The following TCF4 variants were observed in gnomAD, a reference collection of about 807,000 sequenced individuals.
TCF4 encodes SL3-3 enhancer factor 2.
Under a neutral mutation model 82.1 loss-of-function variants are expected in TCF4, and 3 were observed. The ratio of observed to expected loss-of-function variants is 0.04; its 90% CI spans 0.02 to 0.09. The LOEUF (loss-of-function observed/expected upper bound fraction) is 0.09, where lower values mean the gene tolerates loss of function less well. TCF4 is among the 10% of genes least tolerant of loss of function. TCF4 has a pLI of 1.00. For missense variants in TCF4, 518 were observed against 852.7 expected (o/e 0.61, Z 4.89); for synonymous variants, 276 against 309.6 (o/e 0.89, Z 1.14).
chr18:55,338,549 T>C (rs753690716), intron 8 of TCF4, among the ~76,000 whole-genome samples: 1 of 152,280 alleles, frequency 6.6e-6, no homozygotes, highest in Non-Finnish European at 1.5e-5. Flanking sequence ...AAAAGAGTCA[T>C]TTTCTTATAT....
rs1048950035 is a variant in TCF4, at chr18:55,632,592, T to C, written c.196-1204A>G. Among the ~76,000 whole-genome samples the C allele has an allele frequency of 1.2e-4, 18 of 152,304 alleles. No homozygotes were observed. The East Asian group carries it at 3.1e-3, about 26-fold the overall frequency. ...CATCAAAGGCTATCAGAAGGAAAGA[T>C]AGATTACCTTCAAAGAATGATGCTC... is the stretch of plus-strand genomic sequence containing the variant. On this transcript the variant is annotated intron_variant, in intron 1 of 20. Transcript: ENST00000398339.
At chr18:55,350,849 G>T in intron 7 of TCF4, 25 bp downstream of exon 7, 1 of 1,612,800 alleles carries the variant, frequency 6.2e-7, no homozygotes, top group Non-Finnish European at 8.5e-7. Context: ...CATCCCTCAG[G>T]CATTCAAACA....
At chr18:55,559,164 A>T (rs923467044) in intron 3 of TCF4, among the ~76,000 whole-genome samples, 1 of 151,854 alleles carries the variant, frequency 6.6e-6, no homozygotes, top group African/African-American at 2.4e-5. Flanking sequence ...AAAAAAAAAA[A>T]AAAAGTAATT....
intron 3 of TCF4, among the ~76,000 whole-genome samples, chr18:55,474,877 A>G (rs1301152623): frequency 1.3e-5 from 2 of 152,086 alleles, no homozygotes; most frequent in Non-Finnish European, 2.9e-5. Context: ...TAGGCTTAGG[A>G]GATCCTCCCA....
At chr18:55,617,534 T>A (rs1468828359) in intron 2 of TCF4, among the ~76,000 whole-genome samples, 1 of 152,080 alleles carries the variant, frequency 6.6e-6, no homozygotes, top group African/African-American at 2.4e-5. Flanking sequence ...ACTATGAACA[T>A]TTAAGCAATA....
chr18:55,481,578 A>G (rs1272650600), intron 3 of TCF4, among the ~76,000 whole-genome samples: 2 of 152,228 alleles, frequency 1.3e-5, no homozygotes, highest in Non-Finnish European at 2.9e-5. Flanking sequence ...TTCTCAGTAT[A>G]TCGAAAAGAT....
At chr18:55,412,380 A>G (rs1238878106) in intron 5 of TCF4, among the ~76,000 whole-genome samples, 1 of 150,592 alleles carries the variant, frequency 6.6e-6, no homozygotes, top group Non-Finnish European at 1.5e-5. Context: ...TCGATTTTAC[A>G]TTGCCAAATC....
chr18:55,393,587 C>G (rs1007791357), intron 6 of TCF4, among the ~76,000 whole-genome samples: 4 of 152,156 alleles, frequency 2.6e-5, no homozygotes, highest in African/African-American at 9.7e-5. Flanking sequence ...ATTTAATAAT[C>G]ACTTCAGAGT....
At chr18:55,478,954 T>A (rs2096363239) in intron 3 of TCF4, among the ~76,000 whole-genome samples, 1 of 151,924 alleles carries the variant, frequency 6.6e-6, no homozygotes, top group East Asian at 1.9e-4. Flanking sequence ...AGGAATGAAG[T>A]TTAATTACAT....
At chr18:55,325,363 TAAC>T (rs998737229) in intron 8 of TCF4, among the ~76,000 whole-genome samples, 1 of 152,196 alleles carries the variant, frequency 6.6e-6, no homozygotes, top group African/African-American at 2.4e-5. Flanking sequence ...AACAATTAGA[TAAC>T]AAACTATTAC....
chr18:55,234,902 T>C (rs1175527215), intron 15 of TCF4, among the ~76,000 whole-genome samples: 4 of 152,160 alleles, frequency 2.6e-5, no homozygotes, highest in Non-Finnish European at 5.9e-5. Flanking sequence ...GTGACAAATA[T>C]GGCAGAGTAG....
rs1398595374 is a variant in TCF4 at position 55,233,270 on chromosome 18, TGTA to T, written c.1487-602_1487-600del. 2.6e-5 allele frequency among the ~76,000 whole-genome samples: 4 copies of T among 152,198 alleles called. No individual in the cohort carries two copies. In the East Asian group the frequency reaches 5.8e-4, roughly 22 times the overall value. ...ACTGCATTTTAAAACACGACCCTAA[TGTA>T]GTAATTTTTTTAAAGGTAGAAGCAT... On this transcript the variant is annotated intron_variant, in intron 16 of 19. Transcript: ENST00000354452.
At chr18:55,495,242 T>C (rs1383054564) in intron 3 of TCF4, among the ~76,000 whole-genome samples, 1 of 150,100 alleles carries the variant, frequency 6.7e-6, no homozygotes, top group African/African-American at 2.5e-5. Context: ...AAGCCAGAAC[T>C]AAAGTTCCCA....
At chr18:55,372,104 C>G (rs1285461874) in intron 6 of TCF4, among the ~76,000 whole-genome samples, 1 of 152,060 alleles carries the variant, frequency 6.6e-6, no homozygotes, top group East Asian at 1.9e-4. Flanking sequence ...TAAACATAAG[C>G]TTCTACTTTT....
At chr18:55,480,408 C>A (rs1354654986) in intron 3 of TCF4, among the ~76,000 whole-genome samples, 2 of 151,452 alleles carry the variant, frequency 1.3e-5, no homozygotes, top group African/African-American at 4.8e-5. Context: ...CGCTTTCTCT[C>A]TGAAATATAT....
At chr18:55,353,651 T>C (rs1014878878) in intron 6 of TCF4, among the ~76,000 whole-genome samples, 4 of 152,216 alleles carry the variant, frequency 2.6e-5, no homozygotes, top group African/African-American at 7.2e-5. Flanking sequence ...GACCATTTAC[T>C]ATTGTCTGGC....
At chr18:55,476,296 C>T (rs1477659426) in intron 3 of TCF4, among the ~76,000 whole-genome samples, 1 of 152,086 alleles carries the variant, frequency 6.6e-6, no homozygotes, top group East Asian at 1.9e-4. Context: ...AGCCACCTCA[C>T]AAAGTGAAGA....
At chr18:55,595,745 C>G in intron 2 of TCF4, among the ~76,000 whole-genome samples, 1 of 152,158 alleles carries the variant, frequency 6.6e-6, no homozygotes, top group African/African-American at 2.4e-5. Flanking sequence ...AAGTTTCCTC[C>G]TAATCATAAA....
intron 8 of TCF4, among the ~76,000 whole-genome samples, chr18:55,328,394 AT>A (rs1353515163): frequency 6.6e-6 from 1 of 151,568 alleles, no homozygotes; most frequent in African/African-American, 2.4e-5. Context: ...AAAAAAAAAA[AT>A]AACAAACCCT....
Sources: gnomAD v4.1 joint callset for allele counts (sites outside exome capture counted in the v4.1 genomes callset) on GRCh38, gnomAD v4.1.1 for gene constraint, MANE v1.5 for transcripts, NCBI Gene and HGNC (gene_info 2026-07-23, HGNC 2026-07-21) for gene names.